Variants in LIN7B observed in about 807,000 individuals in gnomAD.
LIN7B encodes the protein protein lin-7 homolog B.
In LIN7B, 16 loss-of-function variants were observed where a neutral mutation model predicts 27.9. The ratio of observed to expected loss-of-function variants is 0.57; its 90% CI spans 0.39 to 0.87. LIN7B has a LOEUF of 0.87. Ranked by LOEUF, LIN7B falls within the 40% of genes least tolerant of loss-of-function variation. The probability of loss-of-function intolerance (pLI) is 0.00; values close to 1 mark genes in which losing one functional copy is unlikely to be tolerated. For synonymous variants in LIN7B, 147 were observed against 120.8 expected (o/e 1.22, Z -1.42); for missense variants, 291 against 288.5 (o/e 1.01, Z -0.06).
At chr19:49,115,222 A>T in intron 2 of LIN7B, 38 bp from the exon 3 acceptor site, 4 of 1,534,362 alleles carry the variant, frequency 2.6e-6, no homozygotes, top group Non-Finnish European at 3.5e-6. Context: ...GGGCTGGAGG[A>T]GCTGGCGACT....
intron 4 of LIN7B, among the ~76,000 whole-genome samples, chr19:49,116,925 A>C (rs1453467578): frequency 1.3e-5 from 2 of 152,066 alleles, no homozygotes; most frequent in Non-Finnish European, 2.9e-5. Flanking sequence ...GTTCTGATGG[A>C]GGTCTGGGGC....
In LIN7B at chr19:49,114,404, C is replaced by T; in HGVS notation, c.-1C>T. The T allele has an allele frequency of 8.3e-7, 1 of 1,201,752 alleles. No homozygotes were observed. Among genetic ancestry groups the T allele is most frequent in the East Asian group, 3.5e-5 (1 of 28,694 alleles). The allele number at this position is 1,201,752 out of a possible 1,614,324, so 74.4% of individuals were successfully genotyped here. A position where few individuals can be genotyped will look rare whatever the true frequency, so the allele number is the denominator to read the frequency against. On this transcript the variant is annotated 5_prime_UTR_variant, in exon 1 of 6. Transcript: ENST00000221459. The stretch of plus-strand genomic sequence containing the variant: ...GGGCGGCTGGCAGCTGTGGCGCCGA[C>T]ATGGCTGCGCTGGTGGAGCCGCTGG...
chr19:49,115,135 G>C, intron 2 of LIN7B, 125 bp from the exon 3 acceptor site: 1 of 962,752 alleles, frequency 1.0e-6, no homozygotes, highest in Non-Finnish European at 1.5e-6. Context: ...TAGTTTTCTC[G>C]GCCTTCTGTT....
intron 2 of LIN7B, 124 bp downstream of exon 2, chr19:49,115,091 C>A: frequency 1.1e-6 from 1 of 886,314 alleles, no homozygotes; most frequent in Non-Finnish European, 1.6e-6. Flanking sequence ...CCTTGGGGTG[C>A]CAACGCTTCA....
At chr19:49,115,008 C>A in intron 2 of LIN7B, 41 bp downstream of exon 2, 1 of 1,258,030 alleles carries the variant, frequency 7.9e-7, no homozygotes, top group South Asian at 1.7e-5. Flanking sequence ...TGGTGGCCGT[C>A]GTCCTCCTCC....
intron 4 of LIN7B, among the ~76,000 whole-genome samples, chr19:49,117,496 G>A (rs2040847314): frequency 6.6e-6 from 1 of 152,118 alleles, no homozygotes; most frequent in Non-Finnish European, 1.5e-5. Flanking sequence ...CAGGGAGGAG[G>A]CTGGGGTAAG....
intron 5 of LIN7B, 167 bp downstream of exon 5, chr19:49,118,185 T>A: frequency 7.5e-7 from 1 of 1,336,836 alleles, no homozygotes; most frequent in Admixed American, 2.0e-5. Context: ...TTTGGCCAAA[T>A]CCCCTGGGGA....
At chr19:49,115,521 A>G (rs1009213) in intron 3 of LIN7B, 190 bp downstream of exon 3, 170,516 of 589,820 alleles carry the variant, frequency 0.29, 26,450 homozygotes, top group South Asian at 0.35. Flanking sequence ...GCAACTGCAA[A>G]TGGAAACAGT....
At chr19:49,116,105 A>G (rs1219061720) in intron 3 of LIN7B, 158 bp from the exon 4 acceptor site, 2 of 604,834 alleles carry the variant, frequency 3.3e-6, no homozygotes, top group East Asian at 5.6e-5. Context: ...AGAGACGCAC[A>G]GTCATTACAG....
chr19:49,117,486 C>T (rs1175031104), intron 4 of LIN7B, among the ~76,000 whole-genome samples: 1 of 151,984 alleles, frequency 6.6e-6, no homozygotes, highest in African/African-American at 2.4e-5. Context: ...GAAGCCAGGC[C>T]AGGGAGGAGG....
chr19:49,116,637 T>G (rs1249079276), intron 4 of LIN7B, among the ~76,000 whole-genome samples, 165 bp downstream of exon 4: 10 of 152,224 alleles, frequency 6.6e-5, no homozygotes, highest in Admixed American at 2.6e-4. Flanking sequence ...CTCCCTACAC[T>G]CAACCTTCTC....
chr19:49,116,161 A>T, intron 3 of LIN7B, 102 bp from the exon 4 acceptor site: 1 of 921,400 alleles, frequency 1.1e-6, no homozygotes, highest in Non-Finnish European at 1.7e-6. Context: ...GCTTGGGGAT[A>T]GTAACCCAGG....
At chr19:49,118,040 C>A (rs2040862321) in intron 5 of LIN7B, 22 bp downstream of exon 5, 7 of 1,612,554 alleles carry the variant, frequency 4.3e-6, no homozygotes, top group Non-Finnish European at 5.1e-6. Context: ...GGTCACCACA[C>A]CCCTGGGGCC....
chr19:49,115,022 T>C, intron 2 of LIN7B, 55 bp downstream of exon 2: 1 of 1,170,188 alleles, frequency 8.5e-7, no homozygotes, highest in Middle Eastern at 2.1e-4. Flanking sequence ...CTCCTCCTCC[T>C]CCTCCTGCTT....
Position 49,115,336 on chromosome 19 carries a change from G to C in LIN7B, c.228+5G>C. 8 of 1,567,696 alleles carry C rather than the reference G, an allele frequency of 5.1e-6. No individual in the cohort carries two copies. Among genetic ancestry groups the C allele is most frequent in the Non-Finnish European group, 6.9e-6 (8 of 1,155,176 alleles). ...CGAGCCCATGCCACAGCCAAGGTGG[G>C]CCCCGCACCCCATTGCTCCTGGTGT... On this transcript the variant is annotated splice_donor_5th_base_variant and intron_variant, in intron 3 of 5. Transcript: ENST00000221459.
rs1228722881 is a variant in LIN7B at position 49,116,292 on chromosome 19, G to A, written c.258G>A (p.Glu86=). The part of the protein sequence containing the change: ...KATVAAFTAS[E]GHAHPRVVEL... Reference sequence around the variant, plus strand: ...CAGTGGCTGCCTTCACAGCCAGCGAGGGCCACGCACATCCCAGGGTAGTGG... The same window carrying A: ...CAGTGGCTGCCTTCACAGCCAGCGAAGGCCACGCACATCCCAGGGTAGTGG... Residue 86 remains glutamate (E), a synonymous_variant, in exon 4 of 6, where the codon GAG becomes GAA. Coordinates refer to ENST00000221459, the MANE Select transcript of LIN7B (RefSeq NM_022165.3). The A allele has an allele frequency of 6.2e-7, 1 of 1,613,936 alleles. No individual in the cohort carries two copies. Among genetic ancestry groups the A allele is most frequent in the South Asian group, 1.1e-5 (1 of 91,064 alleles).
Position 49,116,324 on chromosome 19 carries a change from C to G in LIN7B, c.290C>G (p.Pro97Arg). ...GHAHPRVVEL[P>R]KTDEGLGFNI... is the part of the protein sequence containing the mutation. ...GCACATCCCAGGGTAGTGGAGCTAC[C>G]CAAGACGGATGAGGGCCTAGGCTTC... Residue 97 changes from proline (P) to arginine (R), a missense_variant, in exon 4 of 6, where the codon CCC becomes CGC. Pro to Arg is a moderately radical substitution (Grantham distance 103). Coordinates refer to ENST00000221459, the MANE Select transcript of LIN7B (RefSeq NM_022165.3). 1 of 1,614,130 alleles carries G rather than the reference C, an allele frequency of 6.2e-7. No individual in the cohort carries two copies. Among genetic ancestry groups the G allele is most frequent in the Non-Finnish European group, 8.5e-7 (1 of 1,180,036 alleles).
rs1213333298 is a variant in LIN7B at position 49,115,120 on chromosome 19, A to T, written c.157-140A>T. ...CGCTTCAGCTCAGGGGTTCTTCGGG[A>T]GTTGTAGTTTTCTCGGCCTTCTGTT... is the stretch of plus-strand genomic sequence containing the variant. On this transcript the variant is annotated intron_variant, in intron 2 of 5. Coordinates refer to ENST00000221459, the MANE Select transcript of LIN7B (RefSeq NM_022165.3). 3.3e-6 allele frequency: 3 copies of T among 908,870 alleles called. No individual in the cohort carries two copies. The East Asian group carries it at 9.5e-5, about 29-fold the overall frequency. The allele number at this position is 908,870 out of a possible 1,614,324, so 56.3% of individuals were successfully genotyped here.
chr19:49,114,633 C>T (rs1387272251), intron 1 of LIN7B, 192 bp downstream of exon 1: 14 of 468,362 alleles, frequency 3.0e-5, no homozygotes, highest in Admixed American at 4.4e-5. Context: ...ACGCTGGGCG[C>T]CCGCCTTACA....
Sources: allele counts gnomAD v4.1 joint callset (sites outside exome capture counted in the v4.1 genomes callset), GRCh38; gene constraint gnomAD v4.1.1; transcripts MANE v1.5; gene names NCBI Gene and HGNC (gene_info 2026-07-23, HGNC 2026-07-21).